The following XKRX variants were observed in gnomAD, a reference collection of about 807,000 sequenced individuals.
XKRX encodes XK-related protein 2.
In XKRX, 11 loss-of-function variants were observed where a neutral mutation model predicts 22.4. That is an observed-to-expected ratio of 0.49 (90% CI 0.31 to 0.81). The LOEUF (loss-of-function observed/expected upper bound fraction) is 0.81, where lower values mean the gene tolerates loss of function less well. Ranked by LOEUF, XKRX falls within the 40% of genes least tolerant of loss-of-function variation. The pLI is 0.05. For missense variants in XKRX, 320 were observed against 336.5 expected, an observed-to-expected ratio of 0.95 and a Z score of 0.38; for synonymous variants, 114 against 132.2, an observed-to-expected ratio of 0.86 and a Z score of 0.94.
chrX:100,953,812 G>A, the XKRX span, among the ~76,000 whole-genome samples: 1 of 103,376 alleles, frequency 9.7e-6, no homozygotes, highest in Non-Finnish European at 1.9e-5. Context: ...AGGAGGCTGA[G>A]ACAGGAGAAT....
the XKRX span, among the ~76,000 whole-genome samples, chrX:100,897,941 T>C: frequency 9.0e-6 from 1 of 110,789 alleles, no homozygotes; most frequent in African/African-American, 3.3e-5. Context: ...AATTTGTGCA[T>C]AAAAATAATG....
chrX:100,929,351 T>C (rs1490811755), upstream of XKRX: 3 of 110,929 alleles, frequency 2.7e-5, no homozygotes, highest in Non-Finnish European at 5.7e-5. Flanking sequence ...CGTTGTGGAG[T>C]GGCGGGACAA....
At chrX:100,950,150 G>A in the XKRX span, among the ~76,000 whole-genome samples, 2 of 111,432 alleles carry the variant, frequency 1.8e-5, no homozygotes, top group African/African-American at 3.3e-5. Flanking sequence ...CAGAACATTC[G>A]TATCACTGGA....
chrX:100,936,263 G>A, the XKRX span, among the ~76,000 whole-genome samples: 3 of 110,368 alleles, frequency 2.7e-5, no homozygotes, highest in Non-Finnish European at 5.7e-5. Context: ...ACCCATGGCC[G>A]GGCAAGGTGG....
chrX:100,891,622 T>G, the XKRX span, among the ~76,000 whole-genome samples: 5 of 109,444 alleles, frequency 4.6e-5, no homozygotes, highest in African/African-American at 6.7e-5. Context: ...CCAGGCATGG[T>G]GCTCATGCCT....
the XKRX span, among the ~76,000 whole-genome samples, chrX:100,947,334 C>T: frequency 8.9e-6 from 1 of 112,290 alleles, no homozygotes; most frequent in Non-Finnish European, 1.9e-5. Flanking sequence ...CACTGATTTT[C>T]CTTGTGTATG....
chrX:100,956,960 T>C, the XKRX span: 115 of 1,043,731 alleles, frequency 1.1e-4, no homozygotes, highest in Admixed American at 2.9e-4. Context: ...GAGGACTAAA[T>C]GTGGGTGCCC....
chrX:100,927,942 GT>G, intron 1 of XKRX, 27 bp downstream of exon 1: 1 of 1,163,741 alleles, frequency 8.6e-7, no homozygotes. Flanking sequence ...GGTTAGGGGG[GT>G]AAGGAAAAGA....
intron 2 of XKRX, among the ~76,000 whole-genome samples, chrX:100,917,610 AAGAG>A (rs1305877212): frequency 1.0e-5 from 1 of 97,363 alleles, no homozygotes; most frequent in Non-Finnish European, 2.0e-5. Context: ...GAAAAGGAAA[AAGAG>A]AGAAAGAAAG....
At chrX:100,951,536 A>G in the XKRX span, among the ~76,000 whole-genome samples, 1 of 111,234 alleles carries the variant, frequency 9.0e-6, no homozygotes, top group Admixed American at 9.7e-5. Context: ...CTAGAACAAC[A>G]ATAGCAAGGC....
chrX:100,923,837 C>CTTTTTTTT (rs745938618), intron 1 of XKRX, among the ~76,000 whole-genome samples: 2 of 88,148 alleles, frequency 2.3e-5, no homozygotes, highest in Non-Finnish European at 2.2e-5. Context: ...TTCTTTCTTT[C>CTTTTTTTT]TTTTTTTTTT....
chrX:100,909,902 CAAAAAAAAAAA>C (rs5903174), downstream of XKRX, among the ~76,000 whole-genome samples: 3 of 34,527 alleles, frequency 8.7e-5, no homozygotes, highest in Admixed American at 9.9e-4. Context: ...GACTCCATCT[CAAAAAAAAAAA>C]AAAAAAAAAA....
chrX:100,956,796 G>T, the XKRX span: 1 of 571,295 alleles, frequency 1.8e-6, no homozygotes, highest in Non-Finnish European at 3.2e-6. Flanking sequence ...ACTTCAGGGA[G>T]GTTTGTATTC....
Position 100,928,099 on chromosome X carries a change from T to C in XKRX, c.206A>G (p.Tyr69Cys). 1 of 1,211,548 alleles carries C rather than the reference T, an allele frequency of 8.3e-7. No individual in the cohort carries two copies. The highest frequency in any genetic ancestry group is 1.1e-6 in the Non-Finnish European group (1 of 895,450). Residue 69 changes from tyrosine (Y) to cysteine (C), a missense_variant, in exon 1 of 3, where the codon TAC (tyrosine) becomes TGC (cysteine). Physicochemically the swap from Tyr to Cys is radical, Grantham distance 194. Transcript: ENST00000372956. ...TGAAAACATAAAGAAAGAAAAGGTG[T>C]ATGTCATCCAGTAAGTTTCACTATT... ...RKNSETYWMT[Y>C]TFSFFMFSSI...
At chrX:100,888,615 T>C in the XKRX span, 1 of 428,700 alleles carries the variant, frequency 2.3e-6, no homozygotes, top group South Asian at 4.1e-5. Flanking sequence ...AGAGAGACTT[T>C]AATGATGCTT....
chrX:100,941,981 G>A, the XKRX span, among the ~76,000 whole-genome samples: 2 of 109,673 alleles, frequency 1.8e-5, no homozygotes, highest in East Asian at 2.9e-4. Flanking sequence ...CCGAGTAGCT[G>A]GGATTACAGG....
the XKRX span, among the ~76,000 whole-genome samples, chrX:100,954,480 A>G: frequency 1.8e-5 from 2 of 111,710 alleles, no homozygotes; most frequent in Admixed American, 9.5e-5. Flanking sequence ...TTGTAAAATA[A>G]TACAGCTGCT....
chrX:100,915,688 C>G (rs867603111), intron 2 of XKRX, among the ~76,000 whole-genome samples: 13 of 102,462 alleles, frequency 1.3e-4, no homozygotes, highest in South Asian at 4.5e-4. Flanking sequence ...GTGGGTGTGT[C>G]TGTGTGTGTG....
At chrX:100,931,454 C>T (rs756698429), upstream of XKRX, among the ~76,000 whole-genome samples, 6 of 111,256 alleles carry the variant, frequency 5.4e-5, no homozygotes, top group Admixed American at 9.6e-5. Flanking sequence ...CTTGTTGATG[C>T]GATTTACAAC....
Sources: gnomAD v4.1 joint callset for allele counts (sites outside exome capture counted in the v4.1 genomes callset) on GRCh38, gnomAD v4.1.1 for gene constraint, MANE v1.5 for transcripts, NCBI Gene and HGNC (gene_info 2026-07-23, HGNC 2026-07-21) for gene names.